B3GAT1: variants seen among roughly 807,000 people sequenced by gnomAD.
B3GAT1 encodes beta-1,3-glucuronyltransferase 1, also known as galactosylgalactosylxylosylprotein 3-beta-glucuronosyltransferase 1.
B3GAT1 carries 11 observed loss-of-function variants against 28.4 expected under a neutral mutation model. The observed-to-expected ratio is 0.39, with a 90% CI of 0.24 to 0.64. The LOEUF (loss-of-function observed/expected upper bound fraction) is 0.64, where lower values mean the gene tolerates loss of function less well. Among genes scored for constraint, B3GAT1 ranks in the 30% least tolerant of loss-of-function variants. B3GAT1 has a pLI of 0.50. For synonymous variants in B3GAT1, 255 were observed against 223.1 expected (o/e 1.14, Z -1.27); for missense variants, 375 against 491.0 (o/e 0.76, Z 2.23).
intron 1 of B3GAT1, 50 bp from the exon 2 acceptor site, chr11:134,387,990 G>A (rs1219026580): frequency 1.4e-6 from 1 of 732,524 alleles, no homozygotes. Context: ...TATAGGAATG[G>A]ATGCCAGCAA....
chr11:134,394,073 C>T (rs1425240748), intron 1 of B3GAT1, among the ~76,000 whole-genome samples: 1 of 152,216 alleles, frequency 6.6e-6, no homozygotes. Flanking sequence ...CCCGGGCCCA[C>T]CACAGCCCTG....
Position 134,381,015 on chromosome 11 carries a change from G to T in B3GAT1, c.*15-268C>A, listed in dbSNP as rs188050692. On this transcript the variant is annotated intron_variant, in intron 5 of 5. Coordinates refer to ENST00000312527, the MANE Select transcript of B3GAT1 (RefSeq NM_054025.3). Reference sequence around the variant, plus strand: ...GTCCTCTGCGGGCAAACACAATACAGAAGCTATTGCTTAGCTCCAGGGCAA... The same window carrying T: ...GTCCTCTGCGGGCAAACACAATACATAAGCTATTGCTTAGCTCCAGGGCAA... Among the ~76,000 whole-genome samples the T allele has an allele frequency of 9.1e-4, 139 of 152,318 alleles. 2 individuals carry two copies. The highest frequency in any genetic ancestry group is 1.8e-3 in the Non-Finnish European group (121 of 68,032).
At chr11:134,399,009 T>C (rs1400961469) in intron 1 of B3GAT1, among the ~76,000 whole-genome samples, 2 of 152,176 alleles carry the variant, frequency 1.3e-5, no homozygotes, top group Non-Finnish European at 2.9e-5. Context: ...CAGAGCCCAC[T>C]GCTACCTGCT....
Position 134,380,737 on chromosome 11 carries a change from G to A in B3GAT1, c.*25C>T, listed in dbSNP as rs1944104360. 1.3e-5 allele frequency: 2 copies of A among 152,840 alleles called. No individual in the cohort carries two copies. Among genetic ancestry groups the A allele is most frequent in the Non-Finnish European group, 2.9e-5 (2 of 68,318 alleles). 9.5% of individuals were successfully genotyped at this position (152,840 alleles called of 1,614,324 possible). ...ATGGAAGGCCAAGAACAGGGTCTGA[G>A]GAGGAGGCTCCTGTGAGGGGAGAGG... On this transcript the variant is annotated 3_prime_UTR_variant, in exon 6 of 6. Transcript: ENST00000312527.
chr11:134,396,681 G>C (rs982171501), intron 1 of B3GAT1, among the ~76,000 whole-genome samples: 64 of 152,278 alleles, frequency 4.2e-4, no homozygotes, highest in African/African-American at 1.4e-3. Flanking sequence ...AAGAGCAGCT[G>C]CTGTCACTGC....
rs139706918 is a variant in B3GAT1 at position 134,385,703 on chromosome 11, C to T, written c.113-1515G>A. The T allele has an allele frequency of 1.7e-3, 255 of 152,382 alleles. 1 individual carries two copies. The highest frequency in any genetic ancestry group is 5.8e-3 in the African/African-American group (241 of 41,582). 9.4% of individuals were successfully genotyped at this position (152,382 alleles called of 1,614,324 possible). ...CAAATCATCCCAAGGCCGCAGAGGA[C>T]CTGTGCCCTTGGACAGTCCCCATAC... is the stretch of plus-strand genomic sequence containing the variant. On this transcript the variant is annotated intron_variant, in intron 2 of 5. Transcript: ENST00000312527.
intron 1 of B3GAT1, chr11:134,390,995 C>T (rs10894809): frequency 0.061 from 9,275 of 151,874 alleles, 365 homozygotes; most frequent in Middle Eastern, 0.13. Flanking sequence ...GAAGGAGGGG[C>T]GGGAAGGGAA....
intron 5 of B3GAT1, 163 bp downstream of exon 5, chr11:134,381,761 G>A (rs1944128058): frequency 1.7e-6 from 1 of 604,834 alleles, no homozygotes; most frequent in Non-Finnish European, 3.0e-6. Context: ...ACTTTCAGGT[G>A]GCCCAGTGGG....
chr11:134,384,945 T>C (rs10894806), intron 2 of B3GAT1: 151,235 of 152,266 alleles, frequency 0.99, 75,105 homozygotes, highest in East Asian at 1. Context: ...GAAGGGCTCA[T>C]GCACCAATGA....
rs1050336734 is a variant in B3GAT1 at position 134,411,345 on chromosome 11, C to T, written c.-282+462G>A. Among the ~76,000 whole-genome samples, 6 of 152,128 alleles carry T rather than the reference C, an allele frequency of 3.9e-5. No homozygotes were observed. The highest frequency in any genetic ancestry group is 8.8e-5 in the Non-Finnish European group (6 of 68,028). ...TCAGCGCGCCCCGCAGAGCTCGGGC[C>T]CCCTCAAGAGAGTTAACTTGGCAGT... On this transcript the variant is annotated intron_variant, in intron 1 of 5. Coordinates refer to ENST00000312527, the MANE Select transcript of B3GAT1 (RefSeq NM_054025.3). This position sits in a 1 kb window ranked among gnomAD's most constrained non-coding sequence, Gnocchi z 6.0.
chr11:134,400,060 G>A lies in B3GAT1; in HGVS notation c.-282+11747C>T, dbSNP rs996840785. Among the ~76,000 whole-genome samples the A allele has an allele frequency of 3.3e-5, 5 of 152,212 alleles. No individual in the cohort carries two copies. The South Asian group carries it at 1.0e-3, about 32-fold the overall frequency. ...CCTAGGCTGCTCAGTTTCCCTTGGC[G>A]CTGTTGTCTCTGTGGTTCTGGGTGA... On this transcript the variant is annotated intron_variant, in intron 1 of 5. Transcript: ENST00000312527.
intron 5 of B3GAT1, 128 bp downstream of exon 5, chr11:134,381,796 T>G (rs1383549828): frequency 2.7e-6 from 2 of 732,120 alleles, no homozygotes; most frequent in African/African-American, 3.5e-5. Flanking sequence ...GACGACGCCC[T>G]CCACTCCTGC....
intron 1 of B3GAT1, chr11:134,391,499 G>C (rs1237905148): frequency 6.6e-6 from 1 of 152,400 alleles, no homozygotes; most frequent in South Asian, 2.1e-4. Context: ...TTTGTCTGTG[G>C]TCGCAGGCTG....
chr11:134,388,010 C>CAGCCT, intron 1 of B3GAT1, 70 bp from the exon 2 acceptor site: 1 of 569,034 alleles, frequency 1.8e-6, no homozygotes, highest in Non-Finnish European at 3.1e-6. Flanking sequence ...AGGCTGGGCC[C>CAGCCT]TGCTCTGGGA....
chr11:134,387,719 GGGGCGGCCAC>G lies in B3GAT1; in HGVS notation c.-70_-61del. On this transcript the variant is annotated 5_prime_UTR_variant, in exon 2 of 6. An upstream open reading frame in the 5' UTR loses its in-frame stop. Transcript: ENST00000312527. The stretch of plus-strand genomic sequence containing the variant: ...CCTGAGTGGCGGTAAGTTCAGGAGA[GGGGCGGCCAC>G]GGGCGGCGGCAGCACAGGGGAGAAA... 1 of 1,608,202 alleles carries G rather than the reference GGGGCGGCCAC, an allele frequency of 6.2e-7. No individual in the cohort carries two copies. The highest frequency in any genetic ancestry group is 8.5e-7 in the Non-Finnish European group (1 of 1,177,618).
At chr11:134,395,028 A>G (rs529633432) in intron 1 of B3GAT1, among the ~76,000 whole-genome samples, 69 of 152,314 alleles carry the variant, frequency 4.5e-4, no homozygotes, top group Middle Eastern at 3.4e-3. Context: ...AGGAATCTCA[A>G]CCGAATACAC....
In B3GAT1 at chr11:134,387,914, G is replaced by C. The variant is rs1565452230; in HGVS notation, c.-255C>G. 4 of 1,479,006 alleles carry C rather than the reference G, an allele frequency of 2.7e-6. No individual in the cohort carries two copies. The highest frequency in any genetic ancestry group is 2.0e-5 in the Admixed American group (1 of 49,220). The allele number at this position is 1,479,006 out of a possible 1,614,324, so 91.6% of individuals were successfully genotyped here. A position where few individuals can be genotyped will look rare whatever the true frequency, so the allele number is the denominator to read the frequency against. On this transcript the variant is annotated 5_prime_UTR_variant, in exon 2 of 6. Coordinates refer to ENST00000312527, the MANE Select transcript of B3GAT1 (RefSeq NM_054025.3). ...AGAAGGGGTCGCTGTCCAGGGGCAG[G>C]GGTCAGGAACCCTGGGGGGTGGACA...
Position 134,382,021 on chromosome 11 carries a change from G to A in B3GAT1, c.922C>T (p.Leu308=), listed in dbSNP as rs1185122865. The change falls in exon 5 of 6, where the codon CTG becomes TTG. Residue 308 remains leucine (L), a synonymous_variant. Transcript: ENST00000312527. ...EPKAANCTKI[L]VWHTRTEKPV... Reference sequence around the variant, plus strand: ...TTCTCTGTCCGTGTGTGCCACACCAGGATCTGTGTGCCCAGAGATGCAAAA... The same window carrying A: ...TTCTCTGTCCGTGTGTGCCACACCAAGATCTGTGTGCCCAGAGATGCAAAA... 1.9e-6 allele frequency: 3 copies of A among 1,613,930 alleles called. No homozygotes were observed. The highest frequency in any genetic ancestry group is 3.3e-5 in the Admixed American group (2 of 60,012).
At position 134,384,077 on chromosome 11, in the gene B3GAT1, C is replaced by A; in HGVS notation, c.224G>T (p.Arg75Leu). The change falls in exon 3 of 6, where the codon CGG becomes CTG. Residue 75 changes from arginine to leucine, a missense_variant. Arg to Leu is a moderately radical substitution (Grantham distance 102). Coordinates refer to ENST00000312527, the MANE Select transcript of B3GAT1 (RefSeq NM_054025.3). ...CAGCGTGTCGGACCATGGCGGGGGC[C>A]GCGTGTACACGTACTCGGTGCGCAC... ...EVVRTEYVYT[R>L]PPPWSDTLPT... 1 of 1,601,638 alleles carries A rather than the reference C, an allele frequency of 6.2e-7. No homozygotes were observed.
Sources: gnomAD v4.1 joint callset for allele counts (sites outside exome capture counted in the v4.1 genomes callset) on GRCh38, gnomAD v4.1.1 for gene constraint, Gnocchi (gnomAD v3.1) non-coding constraint, MANE v1.5 for transcripts, NCBI Gene and HGNC (gene_info 2026-07-23, HGNC 2026-07-21) for gene names.